MRTFB: variants seen among roughly 807,000 people sequenced by gnomAD.
MRTFB encodes the protein myocardin related transcription factor B.
A neutral mutation model predicts 104.2 loss-of-function variants in MRTFB; 29 were observed. The observed-to-expected ratio is 0.28, with a 90% CI of 0.21 to 0.38. The LOEUF is 0.38. MRTFB is among the 10% of genes least tolerant of loss of function. The pLI is 1.00. For missense variants in MRTFB, 1,270 were observed against 1,341.6 expected (o/e 0.95, Z 0.83); for synonymous variants, 535 against 519.5 (o/e 1.03, Z -0.41).
intron 2 of MRTFB, among the ~76,000 whole-genome samples, chr16:14,124,721 T>C (rs1013666614): frequency 2.0e-5 from 3 of 152,208 alleles, no homozygotes; most frequent in Non-Finnish European, 4.4e-5. Context: ...CCAGAAATTT[T>C]CTTTTTTTGT....
At chr16:14,005,379 A>G in the MRTFB span, among the ~76,000 whole-genome samples, 1 of 152,292 alleles carries the variant, frequency 6.6e-6, no homozygotes, top group Non-Finnish European at 1.5e-5. Flanking sequence ...AGGGTCCAGT[A>G]CAACCTGCAT....
intron 3 of MRTFB, among the ~76,000 whole-genome samples, chr16:14,189,736 A>G (rs1024113486): frequency 1.3e-5 from 2 of 152,180 alleles, no homozygotes; most frequent in African/African-American, 2.4e-5. Flanking sequence ...ATTTGGGTTC[A>G]TTTAACTTTT....
intron 15 of MRTFB, among the ~76,000 whole-genome samples, chr16:14,257,792 A>G (rs1375224229): frequency 1.3e-5 from 2 of 152,222 alleles, no homozygotes; most frequent in Non-Finnish European, 2.9e-5. Context: ...TTTTACCTAA[A>G]TACAAATGAA....
At chr16:14,187,016 C>T (rs1449200164) in intron 3 of MRTFB, 1 of 1,596,228 alleles carries the variant, frequency 6.3e-7, no homozygotes, top group Non-Finnish European at 8.5e-7. Flanking sequence ...AGGGGAGCAA[C>T]CAGAAAAGTC....
chr16:14,239,105 A>G (rs2042651869), intron 9 of MRTFB, among the ~76,000 whole-genome samples: 1 of 152,246 alleles, frequency 6.6e-6, no homozygotes, highest in South Asian at 2.1e-4. Context: ...GTAAACTGTT[A>G]TGTAAAAATG....
At chr16:14,141,740 T>C (rs1311176348) in intron 3 of MRTFB, 2 of 152,198 alleles carry the variant, frequency 1.3e-5, no homozygotes, top group African/African-American at 4.8e-5. Context: ...AGGCCTTTAG[T>C]ACATGTCTTT....
chr16:14,103,283 A>G (rs571713530), intron 2 of MRTFB, among the ~76,000 whole-genome samples: 2 of 152,228 alleles, frequency 1.3e-5, no homozygotes. Flanking sequence ...TCCTGATCAA[A>G]GGTGCTCAGG....
intron 15 of MRTFB, among the ~76,000 whole-genome samples, chr16:14,257,496 T>A (rs1288381259): frequency 2.0e-5 from 3 of 151,568 alleles, no homozygotes; most frequent in African/African-American, 7.3e-5. Context: ...GTCCTTCCCC[T>A]ACCACCAAGA....
intron 2 of MRTFB, among the ~76,000 whole-genome samples, chr16:14,119,056 G>A (rs953066510): frequency 1.3e-5 from 2 of 152,026 alleles, no homozygotes; most frequent in African/African-American, 2.4e-5. Context: ...CTTTTCTAGG[G>A]TTTGTACTGT....
intron 2 of MRTFB, among the ~76,000 whole-genome samples, chr16:14,131,502 C>G (rs964444828): frequency 1.3e-5 from 2 of 151,874 alleles, no homozygotes; most frequent in East Asian, 3.9e-4. Flanking sequence ...AGCACATTAT[C>G]AAGAAATGAA....
At chr16:14,244,196 C>T (rs547994299) in intron 10 of MRTFB, among the ~76,000 whole-genome samples, 25 of 152,322 alleles carry the variant, frequency 1.6e-4, no homozygotes, top group African/African-American at 5.3e-4. Context: ...AGTACACCTA[C>T]GTGCATCTTT....
the MRTFB span, among the ~76,000 whole-genome samples, chr16:13,996,804 T>C: frequency 1.3e-5 from 2 of 152,204 alleles, no homozygotes; most frequent in African/African-American, 4.8e-5. Context: ...GTGTGTTTTC[T>C]GTTGAGTACA....
At chr16:13,998,853 C>G in the MRTFB span, among the ~76,000 whole-genome samples, 1 of 113,050 alleles carries the variant, frequency 8.8e-6, no homozygotes, top group Non-Finnish European at 1.7e-5. Context: ...GCCTGAGTGA[C>G]AGAGTGAGAC....
chr16:14,222,358 A>G (rs2041765273), intron 8 of MRTFB, among the ~76,000 whole-genome samples: 1 of 152,190 alleles, frequency 6.6e-6, no homozygotes, highest in South Asian at 2.1e-4. Flanking sequence ...GGCCCAGGAC[A>G]GCTTTGAACG....
At chr16:14,157,494 C>T (rs2038869767) in intron 3 of MRTFB, among the ~76,000 whole-genome samples, 1 of 152,148 alleles carries the variant, frequency 6.6e-6, no homozygotes, top group South Asian at 2.1e-4. Context: ...AGGTTCCCAC[C>T]TTGGTTCACA....
chr16:13,996,879 C>G, the MRTFB span, among the ~76,000 whole-genome samples: 1 of 152,186 alleles, frequency 6.6e-6, no homozygotes, highest in Non-Finnish European at 1.5e-5. Context: ...GTGGGGCCAT[C>G]CACACTCTCA....
intron 2 of MRTFB, among the ~76,000 whole-genome samples, chr16:14,131,279 G>A (rs935260655): frequency 1.3e-5 from 2 of 152,238 alleles, no homozygotes; most frequent in East Asian, 1.9e-4. Context: ...TCATCAGTGG[G>A]TGAGGCAATC....
At chr16:14,104,418 A>G (rs532890189) in intron 2 of MRTFB, among the ~76,000 whole-genome samples, 15 of 152,350 alleles carry the variant, frequency 9.8e-5, no homozygotes, top group African/African-American at 3.6e-4. Context: ...AGTAGACTTT[A>G]CAAGGAAGCT....
At chr16:14,212,634 A>G (rs1174849998) in intron 5 of MRTFB, among the ~76,000 whole-genome samples, 1 of 152,234 alleles carries the variant, frequency 6.6e-6, no homozygotes, top group East Asian at 1.9e-4. Flanking sequence ...GCCAGTAACT[A>G]GTTTTGTACA....
Sources: allele counts gnomAD v4.1 joint callset (sites outside exome capture counted in the v4.1 genomes callset), GRCh38; gene constraint gnomAD v4.1.1; transcripts MANE v1.5; gene names NCBI Gene and HGNC (gene_info 2026-07-23, HGNC 2026-07-21).